Variants in SERPIND1 observed in about 807,000 individuals in gnomAD.
The protein encoded by SERPIND1 is heparin cofactor 2.
In SERPIND1, 34 loss-of-function variants were observed where a neutral mutation model predicts 35.0. The ratio of observed to expected loss-of-function variants is 0.97; its 90% CI spans 0.74 to 1.29. The LOEUF is 1.29. Ranked by LOEUF, SERPIND1 falls within the 50% of genes most tolerant of loss-of-function variation. The pLI, the probability that SERPIND1 is intolerant of heterozygous loss-of-function variation, is 0.00. For missense variants in SERPIND1, 633 were observed against 637.7 expected (o/e 0.99, Z 0.08); for synonymous variants, 236 against 241.1 (o/e 0.98, Z 0.19).
intron 3 of SERPIND1, 55 bp downstream of exon 3, chr22:20,784,300 G>A: frequency 1.2e-6 from 2 of 1,610,692 alleles, no homozygotes; most frequent in Non-Finnish European, 1.7e-6. Context: ...GGGGTGTCTG[G>A]GAATACTGGA....
Position 20,787,591 on chromosome 22 carries a change from A to G in SERPIND1, c.*525A>G, listed in dbSNP as rs1390642821. ...GCTAATGTTAGGGCTTAATTTTCTC[A>G]AAGCCTGACCTTTCAAATCCATGAT... On this transcript the variant is annotated 3_prime_UTR_variant, in exon 5 of 5. Coordinates refer to ENST00000215727, the MANE Select transcript of SERPIND1 (RefSeq NM_000185.4). 5.6e-6 allele frequency: 1 copy of G among 179,942 alleles called. No individual in the cohort carries two copies. The highest frequency in any genetic ancestry group is 2.4e-5 in the African/African-American group (1 of 42,156). 11.1% of individuals were successfully genotyped at this position (179,942 alleles called of 1,614,324 possible).
Position 20,786,167 on chromosome 22 carries a change from A to AC in SERPIND1, c.1308+24dup, listed in dbSNP as rs1472106572. On this transcript the variant is annotated intron_variant, in intron 4 of 4. Transcript: ENST00000215727. The stretch of plus-strand genomic sequence containing the variant: ...CGACCTGGTAACCACTCCCTTGTCC[A>AC]CCCCCGACCCGTCCCCAGGGTCTGC... The AC allele has an allele frequency of 2.5e-6, 4 of 1,612,886 alleles. No homozygotes were observed. The East Asian group carries it at 6.7e-5, about 27-fold the overall frequency.
At position 20,786,165 on chromosome 22, in the gene SERPIND1, C is replaced by T. The variant is rs1934206167; in HGVS notation, c.1308+17C>T. 6.2e-7 allele frequency: 1 copy of T among 1,613,414 alleles called. No homozygotes were observed. ...ATCGACCTGGTAACCACTCCCTTGT[C>T]CACCCCCGACCCGTCCCCAGGGTCT... On this transcript the variant is annotated intron_variant, in intron 4 of 4. Coordinates refer to ENST00000215727, the MANE Select transcript of SERPIND1 (RefSeq NM_000185.4).
chr22:20,787,132 A>T lies in SERPIND1; in HGVS notation c.*66A>T. 7.2e-7 allele frequency: 1 copy of T among 1,391,248 alleles called. No individual in the cohort carries two copies. Among genetic ancestry groups the T allele is most frequent in the Non-Finnish European group, 1.0e-6 (1 of 979,932 alleles). The allele number at this position is 1,391,248 out of a possible 1,614,324, so 86.2% of individuals were successfully genotyped here. On this transcript the variant is annotated 3_prime_UTR_variant, in exon 5 of 5. Transcript: ENST00000215727. ...TCATTTTGTTTCCATTCCAACAACG[A>T]GAACAGAGATGTTCTGGCATCATTT...
intron 2 of SERPIND1, among the ~76,000 whole-genome samples, chr22:20,783,253 A>T (rs1001422897): frequency 1.1e-4 from 16 of 152,140 alleles, no homozygotes; most frequent in African/African-American, 3.9e-4. Context: ...GCATCACCCA[A>T]ATGTCTTGTT....
At chr22:20,779,131 T>C in intron 1 of SERPIND1, 166 bp from the exon 2 acceptor site, 3 of 1,481,604 alleles carry the variant, frequency 2.0e-6, no homozygotes, top group Non-Finnish European at 2.7e-6. Flanking sequence ...GTTGGGTGTC[T>C]ATCTACATCA....
chr22:20,784,930 T>G (rs773533845), intron 3 of SERPIND1, among the ~76,000 whole-genome samples: 1 of 152,132 alleles, frequency 6.6e-6, no homozygotes, highest in Non-Finnish European at 1.5e-5. Flanking sequence ...CTGAGAAAAG[T>G]AGGCTCTCAG....
In SERPIND1 at chr22:20,786,127, C is replaced by A. The variant is rs768871940; in HGVS notation, c.1287C>A (p.Asp429Glu). The change falls in exon 4 of 5, where the codon GAC becomes GAA. Residue 429 changes from aspartate (D) to glutamate (E), a missense_variant. Asp to Glu is a conservative substitution (Grantham distance 45). Coordinates refer to ENST00000215727, the MANE Select transcript of SERPIND1 (RefSeq NM_000185.4). ...DKNGNMAGIS[D>E]QRIAIDLFKH... Reference sequence around the variant, plus strand: ...ATGGCAACATGGCAGGCATCTCAGACCAAAGGATCGCCATCGACCTGGTAA... The same window carrying A: ...ATGGCAACATGGCAGGCATCTCAGAACAAAGGATCGCCATCGACCTGGTAA... 6 of 1,614,088 alleles carry A rather than the reference C, an allele frequency of 3.7e-6. No homozygotes were observed. Among genetic ancestry groups the A allele is most frequent in the Non-Finnish European group, 5.1e-6 (6 of 1,180,020 alleles).
At position 20,781,761 on chromosome 22, in the gene SERPIND1, G is replaced by A. The variant is rs568009433; in HGVS notation, c.889+1560G>A. 2.0e-5 allele frequency among the ~76,000 whole-genome samples: 3 copies of A among 152,334 alleles called. No homozygotes were observed. The East Asian group carries it at 5.8e-4, about 29-fold the overall frequency. On this transcript the variant is annotated intron_variant, in intron 2 of 4. Coordinates refer to ENST00000215727, the MANE Select transcript of SERPIND1 (RefSeq NM_000185.4). ...GAACACACATATCCTTTTCATTACA[G>A]GTTATTAGTACAAGTTTTGGAATTG...
At chr22:20,786,200 C>T (rs758397421) in intron 4 of SERPIND1, 52 bp downstream of exon 4, 1 of 1,603,726 alleles carries the variant, frequency 6.2e-7, no homozygotes, top group East Asian at 2.2e-5. Context: ...TGCCTCAGCA[C>T]AGCCCCACCT....
chr22:20,779,614 T>C lies in SERPIND1; in HGVS notation c.302T>C (p.Val101Ala). The change falls in exon 2 of 5, where the codon GTT (valine) becomes GCT (alanine). Residue 101 changes from valine to alanine, a missense_variant. Coordinates refer to ENST00000215727, the MANE Select transcript of SERPIND1 (RefSeq NM_000185.4). The stretch of plus-strand genomic sequence containing the variant: ...ATCGACATCGTCGACAGTCTGTCAG[T>C]TTCCCCGACAGACTCTGATGTGAGT... ...DYIDIVDSLS[V>A]SPTDSDVSAG... 6.2e-7 allele frequency: 1 copy of C among 1,614,216 alleles called. No homozygotes were observed. Among genetic ancestry groups the C allele is most frequent in the Non-Finnish European group, 8.5e-7 (1 of 1,180,008 alleles).
At chr22:20,774,202 T>C (rs150718056) in intron 1 of SERPIND1, 57 bp downstream of exon 1, 2 of 152,202 alleles carry the variant, frequency 1.3e-5, no homozygotes, top group African/African-American at 4.8e-5. Flanking sequence ...TGTTTACGGA[T>C]AGGCAACTGG....
chr22:20,782,632 G>A (rs1933885794), intron 2 of SERPIND1, among the ~76,000 whole-genome samples: 4 of 152,180 alleles, frequency 2.6e-5, no homozygotes, highest in African/African-American at 9.7e-5. Flanking sequence ...CAAACTGAAA[G>A]GGCCGTGATT....
At chr22:20,777,466 C>A (rs907647456) in intron 1 of SERPIND1, among the ~76,000 whole-genome samples, 2 of 152,214 alleles carry the variant, frequency 1.3e-5, no homozygotes, top group Non-Finnish European at 2.9e-5. Context: ...GATCCGCCCA[C>A]CTCGGCCTCC....
intron 1 of SERPIND1, among the ~76,000 whole-genome samples, chr22:20,774,869 A>C (rs1007094947): frequency 3.3e-5 from 5 of 152,184 alleles, no homozygotes; most frequent in Non-Finnish European, 7.4e-5. Context: ...TGCCTGTGAG[A>C]ACACACACGT....
chr22:20,785,595 T>C (rs1017368337), intron 3 of SERPIND1, among the ~76,000 whole-genome samples: 2 of 152,130 alleles, frequency 1.3e-5, no homozygotes, highest in Non-Finnish European at 2.9e-5. Context: ...GTCTAGTATA[T>C]ACAGGAAAGG....
At chr22:20,778,142 C>T (rs957457669) in intron 1 of SERPIND1, among the ~76,000 whole-genome samples, 2 of 152,168 alleles carry the variant, frequency 1.3e-5, no homozygotes, top group African/African-American at 2.4e-5. Context: ...GGGGCTGCCA[C>T]CACATCACCT....
At chr22:20,780,303 C>T in intron 2 of SERPIND1, 102 bp downstream of exon 2, 2 of 1,551,186 alleles carry the variant, frequency 1.3e-6, no homozygotes, top group Admixed American at 3.3e-5. Flanking sequence ...ATAATTTATC[C>T]AGGAAAACTA....
At chr22:20,780,587 C>T (rs1321393783) in intron 2 of SERPIND1, among the ~76,000 whole-genome samples, 3 of 151,994 alleles carry the variant, frequency 2.0e-5, no homozygotes, top group African/African-American at 7.3e-5. Context: ...GACCAACAGA[C>T]CAACATGGTG....
Sources: gnomAD v4.1 joint callset for allele counts (sites outside exome capture counted in the v4.1 genomes callset) on GRCh38, gnomAD v4.1.1 for gene constraint, MANE v1.5 for transcripts, NCBI Gene and HGNC (gene_info 2026-07-23, HGNC 2026-07-21) for gene names.